MRPS27: variants seen among roughly 807,000 people sequenced by gnomAD.
The protein encoded by MRPS27 is small ribosomal subunit protein mS27.
Under a neutral mutation model 48.9 loss-of-function variants are expected in MRPS27, and 43 were observed. That is an observed-to-expected ratio of 0.88 (90% CI 0.69 to 1.13). MRPS27 has a LOEUF of 1.13. Among genes scored for constraint, MRPS27 ranks in the 50% most tolerant of loss-of-function variants. The probability of loss-of-function intolerance (pLI) is 0.00; values close to 1 mark genes in which losing one functional copy is unlikely to be tolerated. For missense variants in MRPS27, 467 were observed against 476.3 expected, an observed-to-expected ratio of 0.98 and a Z score of 0.18; for synonymous variants, 188 against 171.9, an observed-to-expected ratio of 1.09 and a Z score of -0.73.
chr5:72,225,993 T>C (rs1224686181), intron 9 of MRPS27, 64 bp downstream of exon 9: 19 of 1,539,706 alleles, frequency 1.2e-5, no homozygotes, highest in Middle Eastern at 1.7e-4. Flanking sequence ...TGAAAACAAA[T>C]TTAAAGCTCA....
At chr5:72,229,230 T>C (rs1356260129) in intron 7 of MRPS27, 1 of 152,080 alleles carries the variant, frequency 6.6e-6, no homozygotes, top group African/African-American at 2.4e-5. Context: ...ACCAAGAGAT[T>C]AGGGAGGAAG....
intron 4 of MRPS27, among the ~76,000 whole-genome samples, chr5:72,277,436 T>C (rs1288138240): frequency 6.6e-6 from 1 of 152,020 alleles, no homozygotes; most frequent in African/African-American, 2.4e-5. Flanking sequence ...AAACCCCGTC[T>C]CTACTAAAAA....
chr5:72,225,960 A>G (rs976134941), intron 9 of MRPS27, 97 bp downstream of exon 9: 3 of 1,401,324 alleles, frequency 2.1e-6, no homozygotes, highest in Admixed American at 2.3e-5. Context: ...GACATATAGA[A>G]AGTAGGGGTA....
intron 4 of MRPS27, among the ~76,000 whole-genome samples, chr5:72,279,535 T>C (rs1039142719): frequency 2.0e-5 from 3 of 152,030 alleles, no homozygotes; most frequent in African/African-American, 7.2e-5. Flanking sequence ...GATGGGAGGA[T>C]TGCTTGAGGA....
At chr5:72,249,276 G>A (rs1273851447) in intron 4 of MRPS27, among the ~76,000 whole-genome samples, 1 of 152,202 alleles carries the variant, frequency 6.6e-6, no homozygotes, top group Non-Finnish European at 1.5e-5. Flanking sequence ...CCTCTCTTCT[G>A]CATTTGATCA....
At chr5:72,238,221 G>T in intron 4 of MRPS27, 93 bp from the exon 5 acceptor site, 1 of 784,198 alleles carries the variant, frequency 1.3e-6, no homozygotes, top group Non-Finnish European at 2.2e-6. Context: ...GATACTTACA[G>T]AGTGCAATGT....
chr5:72,262,683 A>G (rs1749014573), intron 4 of MRPS27, among the ~76,000 whole-genome samples: 1 of 152,174 alleles, frequency 6.6e-6, no homozygotes, highest in Non-Finnish European at 1.5e-5. Flanking sequence ...AGAGAGTTCC[A>G]TCTTGTAGAC....
chr5:72,295,680 A>G, intron 3 of MRPS27, 91 bp from the exon 4 acceptor site: 2 of 895,922 alleles, frequency 2.2e-6, no homozygotes, highest in Non-Finnish European at 3.7e-6. Flanking sequence ...CTTAGAAAAC[A>G]CAGGACACCC....
At chr5:72,258,083 C>CAAAAAAAA (rs1030737219) in intron 4 of MRPS27, among the ~76,000 whole-genome samples, 3 of 61,372 alleles carry the variant, frequency 4.9e-5, no homozygotes, top group Non-Finnish European at 6.8e-5. Context: ...GACTCTGTCT[C>CAAAAAAAA]AAAAAAAAAA....
intron 4 of MRPS27, among the ~76,000 whole-genome samples, chr5:72,278,163 C>A (rs1477483908): frequency 2.6e-5 from 4 of 152,098 alleles, no homozygotes; most frequent in African/African-American, 4.8e-5. Flanking sequence ...TAAAATCTGG[C>A]CAGGCGCAGT....
chr5:72,288,479 G>A (rs1348656538), intron 4 of MRPS27, among the ~76,000 whole-genome samples: 1 of 152,196 alleles, frequency 6.6e-6, no homozygotes, highest in Non-Finnish European at 1.5e-5. Flanking sequence ...CAAAGTGCTG[G>A]GATTACAGGC....
intron 4 of MRPS27, among the ~76,000 whole-genome samples, chr5:72,292,242 G>T (rs1437146336): frequency 8.0e-5 from 8 of 100,264 alleles, no homozygotes; most frequent in South Asian, 3.5e-4. Context: ...GAATATAGTT[G>T]CTGGTATTGC....
At chr5:72,320,023 C>T (rs1750708538) in intron 1 of MRPS27, 126 bp downstream of exon 1, 5 of 964,688 alleles carry the variant, frequency 5.2e-6, no homozygotes, top group Admixed American at 4.1e-5. Flanking sequence ...TCTGCACTAC[C>T]AAACACCCCA....
At chr5:72,309,988 C>T (rs896801671) in intron 2 of MRPS27, among the ~76,000 whole-genome samples, 7 of 152,036 alleles carry the variant, frequency 4.6e-5, no homozygotes, top group Admixed American at 1.3e-4. Flanking sequence ...GAGACTGTCC[C>T]GTACATCAAA....
rs1410611699 is a variant in MRPS27 at position 72,223,825 on chromosome 5, T to C, written c.863A>G (p.Lys288Arg). Residue 288 changes from lysine (K) to arginine (R), a missense_variant, in exon 10 of 11, where the codon AAG (lysine) becomes AGG (arginine). Coordinates refer to ENST00000261413, the MANE Select transcript of MRPS27 (RefSeq NM_015084.3). ...EALDVLGAVL[K>R]ALTSADGASE... The stretch of plus-strand genomic sequence containing the variant: ...AGCCCCATCAGCTGAAGTCAGAGCC[T>C]TCAGCACTGCACCCAGCACATCGAG... 1.2e-6 allele frequency: 2 copies of C among 1,613,782 alleles called. No individual in the cohort carries two copies. Among genetic ancestry groups the C allele is most frequent in the Non-Finnish European group, 1.7e-6 (2 of 1,179,894 alleles).
At chr5:72,262,852 C>T (rs1749019410) in intron 4 of MRPS27, among the ~76,000 whole-genome samples, 1 of 151,934 alleles carries the variant, frequency 6.6e-6, no homozygotes, top group Non-Finnish European at 1.5e-5. Context: ...CTCACTGCAC[C>T]CTTGAACTCC....
intron 2 of MRPS27, among the ~76,000 whole-genome samples, chr5:72,304,385 G>T (rs781255652): frequency 6.6e-6 from 1 of 151,990 alleles, no homozygotes; most frequent in Non-Finnish European, 1.5e-5. Flanking sequence ...GTAAATAGAC[G>T]AAATTTTCTA....
rs562032459 is a variant in MRPS27, at chr5:72,230,689, C to T, written c.591+1754G>A. Among the ~76,000 whole-genome samples, 7 of 152,238 alleles carry T rather than the reference C, an allele frequency of 4.6e-5. No homozygotes were observed. The South Asian group carries it at 1.5e-3, about 32-fold the overall frequency. On this transcript the variant is annotated intron_variant, in intron 7 of 10. Coordinates refer to ENST00000261413, the MANE Select transcript of MRPS27 (RefSeq NM_015084.3). ...AGATCTTTCCATTAAGCCCCCAGTT[C>T]CTTGGTGAAATCTCGTGACTGTCTC...
chr5:72,241,082 G>A lies in MRPS27; in HGVS notation c.282-2954C>T, dbSNP rs1226649557. On this transcript the variant is annotated intron_variant, in intron 4 of 10. Transcript: ENST00000261413. ...AGACAAAGTCTCATTCTGTCATCCAGGCTGGAGTGCAACTGCAAGATCACA... is the reference window on the plus strand; with the variant it reads ...AGACAAAGTCTCATTCTGTCATCCAAGCTGGAGTGCAACTGCAAGATCACA... Among the ~76,000 whole-genome samples the A allele has an allele frequency of 2.6e-5, 4 of 152,130 alleles. No homozygotes were observed. The South Asian group carries it at 6.2e-4, about 24-fold the overall frequency.
Sources: allele counts gnomAD v4.1 joint callset (sites outside exome capture counted in the v4.1 genomes callset), GRCh38; gene constraint gnomAD v4.1.1; transcripts MANE v1.5; gene names NCBI Gene and HGNC (gene_info 2026-07-23, HGNC 2026-07-21).